TAF12: variants seen among roughly 807,000 people sequenced by gnomAD.
TAF12 encodes TATA-box binding protein associated factor 12.
Under a neutral mutation model 20.8 loss-of-function variants are expected in TAF12, and 3 were observed. The observed-to-expected ratio is 0.14, with a 90% CI of 0.07 to 0.37. TAF12 has a LOEUF of 0.37. TAF12 is among the 10% of genes least tolerant of loss of function. The pLI, the probability that TAF12 is intolerant of heterozygous loss-of-function variation, is 1.00. For synonymous variants in TAF12, 69 were observed against 70.2 expected (o/e 0.98, Z 0.09); for missense variants, 131 against 197.9 (o/e 0.66, Z 2.03).
intron 1 of TAF12, among the ~76,000 whole-genome samples, chr1:28,622,971 G>A (rs972622972): frequency 4.1e-5 from 4 of 97,702 alleles, no homozygotes; most frequent in African/African-American, 1.1e-4. Context: ...AGCTTGCAGT[G>A]AGCCGAGATC....
At chr1:28,642,923 C>T in intron 1 of TAF12, 69 bp downstream of exon 1, 1 of 986,246 alleles carries the variant, frequency 1.0e-6, no homozygotes, top group Non-Finnish European at 1.2e-6. Context: ...AACACTGACC[C>T]ACTGTAGGTC....
chr1:28,642,808 C>T (rs1157696532), intron 1 of TAF12, 184 bp downstream of exon 1: 2 of 985,800 alleles, frequency 2.0e-6, no homozygotes, highest in African/African-American at 3.5e-5. Flanking sequence ...TCTTAGAGCC[C>T]GGGTCCCCAC....
intron 1 of TAF12, among the ~76,000 whole-genome samples, chr1:28,640,847 G>A (rs1008949677): frequency 1.3e-5 from 2 of 152,122 alleles, no homozygotes; most frequent in Non-Finnish European, 2.9e-5. Context: ...AGGCCAAGGC[G>A]GGAGAATCAT....
rs79199280 is a variant in TAF12 at position 28,648,269 on chromosome 1, G to C, written c.-149C>G. 9.1e-6 allele frequency: 9 copies of C among 985,294 alleles called. No homozygotes were observed. In the East Asian group the frequency reaches 1.0e-3, roughly 112 times the overall value. 61.0% of individuals were successfully genotyped at this position (985,294 alleles called of 1,614,324 possible). A position where few individuals can be genotyped will look rare whatever the true frequency, so the allele number is the denominator to read the frequency against. On this transcript the variant is annotated 5_prime_UTR_variant, in exon 1 of 6. Coordinates refer to the TAF12 transcript ENST00000685312. ...TCTGTCGTGAGCAGTTGACAAGAAA[G>C]ACCCAGCACTTACTGCAACCGGAAG...
intron 1 of TAF12, among the ~76,000 whole-genome samples, chr1:28,632,228 A>G (rs1265384358): frequency 1.3e-5 from 2 of 152,204 alleles, no homozygotes; most frequent in Non-Finnish European, 2.9e-5. Context: ...ACCTGAGGTC[A>G]GGAGTTTGAG....
chr1:28,636,903 T>TG (rs1667846868), intron 1 of TAF12, among the ~76,000 whole-genome samples: 1 of 151,586 alleles, frequency 6.6e-6, no homozygotes, highest in African/African-American at 2.4e-5. Flanking sequence ...AGCCTAGGAG[T>TG]GCGAGGCTGT....
intron 1 of TAF12, among the ~76,000 whole-genome samples, chr1:28,625,314 G>A (rs1226066968): frequency 1.3e-5 from 2 of 152,148 alleles, no homozygotes; most frequent in African/African-American, 4.8e-5. Flanking sequence ...TGAAGTAGGA[G>A]TACTGTTTGA....
At chr1:28,623,273 G>C (rs1175813916) in intron 1 of TAF12, among the ~76,000 whole-genome samples, 2 of 151,940 alleles carry the variant, frequency 1.3e-5, no homozygotes, top group Non-Finnish European at 2.9e-5. Context: ...TGTAATCCCA[G>C]CACTTTGGGA....
At chr1:28,627,024 G>A (rs1411527662) in intron 1 of TAF12, among the ~76,000 whole-genome samples, 3 of 150,662 alleles carry the variant, frequency 2.0e-5, no homozygotes, top group Non-Finnish European at 4.4e-5. Flanking sequence ...TTTTTTTGTT[G>A]TTTCCAGTGA....
chr1:28,626,664 T>G (rs1667406876), intron 1 of TAF12, among the ~76,000 whole-genome samples: 1 of 151,572 alleles, frequency 6.6e-6, no homozygotes, highest in Non-Finnish European at 1.5e-5. Flanking sequence ...ATCTCAGTAC[T>G]TTGGGAGACC....
intron 2 of TAF12, among the ~76,000 whole-genome samples, chr1:28,621,304 T>C (rs1162468650): frequency 6.6e-6 from 1 of 152,206 alleles, no homozygotes; most frequent in Non-Finnish European, 1.5e-5. Flanking sequence ...GGGATTATAC[T>C]TATTTCTTGT....
At chr1:28,628,822 C>T (rs1286854555) in intron 1 of TAF12, among the ~76,000 whole-genome samples, 2 of 152,184 alleles carry the variant, frequency 1.3e-5, no homozygotes, top group Non-Finnish European at 2.9e-5. Context: ...CCTACAATCC[C>T]GGCACTTTGG....
chr1:28,643,443 C>T (rs1236964619), upstream of TAF12: 1 of 152,190 alleles, frequency 6.6e-6, no homozygotes, highest in African/African-American at 2.4e-5. Flanking sequence ...ATCTGGGACA[C>T]ATTACCCCAC....
chr1:28,636,887 G>C (rs893937620), intron 1 of TAF12, among the ~76,000 whole-genome samples: 3 of 152,166 alleles, frequency 2.0e-5, no homozygotes, highest in East Asian at 1.9e-4. Flanking sequence ...GTGACGGAAT[G>C]GCTTGAGCCT....
chr1:28,613,326 A>G lies in TAF12; in HGVS notation c.282T>C (p.Ser94=). The G allele has an allele frequency of 6.2e-7, 1 of 1,611,692 alleles. No individual in the cohort carries two copies. Among genetic ancestry groups the G allele is most frequent in the Non-Finnish European group, 8.5e-7 (1 of 1,179,132 alleles). The part of the protein sequence containing the change: ...LLQIADDFIE[S]VVTAACQLAR... ...CAAGCTGACAGGCTGCTGTCACCAC[A>G]CTCTCGATAAAATCATCAGCAATCT... Residue 94 remains serine, a synonymous_variant, in exon 4 of 6, where the codon AGT becomes AGC. Coordinates refer to ENST00000373824, the MANE Select transcript of TAF12 (RefSeq NM_005644.4).
intron 1 of TAF12, among the ~76,000 whole-genome samples, chr1:28,626,674 C>T (rs750539245): frequency 4.0e-5 from 6 of 151,696 alleles, no homozygotes; most frequent in Non-Finnish European, 7.4e-5. Context: ...TTTGGGAGAC[C>T]GAGGCAGGCA....
intron 1 of TAF12, 195 bp downstream of exon 1, chr1:28,642,797 G>A: frequency 1.0e-6 from 1 of 985,048 alleles, no homozygotes; most frequent in Non-Finnish European, 1.2e-6. Flanking sequence ...CCTAAGTCCC[G>A]TCTTAGAGCC....
At position 28,612,505 on chromosome 1, in the gene TAF12, TA is replaced by T. The variant is rs61185319; in HGVS notation, c.361+741del. On this transcript the variant is annotated intron_variant, in intron 4 of 5. Transcript: ENST00000373824. ...TACATAAAGTATATACAAATATATA[TA>T]AAAATTATATATAAATATATATAAA... 4.8e-5 allele frequency among the ~76,000 whole-genome samples: 7 copies of T among 145,926 alleles called. No individual in the cohort carries two copies. In the South Asian group the frequency reaches 6.3e-4, roughly 13 times the overall value.
intron 4 of TAF12, among the ~76,000 whole-genome samples, chr1:28,607,014 T>C (rs1313943934): frequency 6.6e-6 from 1 of 152,214 alleles, no homozygotes; most frequent in African/African-American, 2.4e-5. Flanking sequence ...CCCCTGGATA[T>C]TATCTTCCTT....
Sources: allele counts gnomAD v4.1 joint callset (sites outside exome capture counted in the v4.1 genomes callset), GRCh38; gene constraint gnomAD v4.1.1; transcripts MANE v1.5; gene names NCBI Gene and HGNC (gene_info 2026-07-23, HGNC 2026-07-21).